The following ASXL2 variants were observed in gnomAD, a reference collection of about 807,000 sequenced individuals.
ASXL2 encodes ASXL transcriptional regulator 2.
In ASXL2, 23 loss-of-function variants were observed where a neutral mutation model predicts 122.0. The observed-to-expected ratio is 0.19, with a 90% CI of 0.14 to 0.27. ASXL2 has a LOEUF of 0.27. Among genes scored for constraint, ASXL2 ranks in the 10% least tolerant of loss-of-function variants. The pLI, the probability that ASXL2 is intolerant of heterozygous loss-of-function variation, is 1.00. For missense variants in ASXL2, 1,518 were observed against 1,713.8 expected, an observed-to-expected ratio of 0.89 and a Z score of 2.02; for synonymous variants, 650 against 637.0, an observed-to-expected ratio of 1.02 and a Z score of -0.31.
At chr2:25,810,780 T>C (rs2089157576) in intron 3 of ASXL2, 2 of 531,076 alleles carry the variant, frequency 3.8e-6, no homozygotes, top group African/African-American at 1.9e-5. Context: ...TTTGTTGAGA[T>C]TTAAGTCACA....
intron 1 of ASXL2, among the ~76,000 whole-genome samples, chr2:25,846,343 G>A (rs1326760940): frequency 2.6e-5 from 4 of 152,134 alleles, no homozygotes; most frequent in Admixed American, 2.6e-4. Flanking sequence ...AAGCATGGGA[G>A]GAATTCCCAT....
intron 1 of ASXL2, among the ~76,000 whole-genome samples, chr2:25,872,616 CAAAT>C (rs1298669426): frequency 1.3e-5 from 2 of 151,894 alleles, no homozygotes; most frequent in African/African-American, 4.8e-5. Flanking sequence ...GATAGTAATA[CAAAT>C]ATACAAAGTA....
chr2:25,838,629 C>T (rs1373792317), intron 2 of ASXL2, among the ~76,000 whole-genome samples: 4 of 152,098 alleles, frequency 2.6e-5, no homozygotes, highest in African/African-American at 9.7e-5. Flanking sequence ...GAAATATGGG[C>T]ACAAGTCGGG....
rs2088026933 is a variant in ASXL2 at position 25,750,497 on chromosome 2, A to T, written c.1143-84T>A. 3.2e-6 allele frequency: 4 copies of T among 1,236,042 alleles called. No individual in the cohort carries two copies. In the African/African-American group the frequency reaches 6.0e-5, roughly 19 times the overall value. 76.6% of individuals were successfully genotyped at this position (1,236,042 alleles called of 1,614,324 possible). A position where few individuals can be genotyped will look rare whatever the true frequency, so the allele number is the denominator to read the frequency against. On this transcript the variant is annotated intron_variant, in intron 11 of 12. Transcript: ENST00000435504. ...TCATTAATAGAGATAATGGAAGATG[A>T]CAATGCCTAGGAGAACCCCTGACAC...
At chr2:25,867,278 G>A (rs1369472450) in intron 1 of ASXL2, among the ~76,000 whole-genome samples, 2 of 151,998 alleles carry the variant, frequency 1.3e-5, no homozygotes, top group Non-Finnish European at 2.9e-5. Context: ...AGTATTCCAA[G>A]ACCTCTTTTA....
chr2:25,878,334 G>C lies in ASXL2; in HGVS notation c.-112C>G. ...GGTGCCGGGAAAGGTGGGAGAAAAG[G>C]GAAGTCAGACCGGGGGGGCACCCAA... On this transcript the variant is annotated 5_prime_UTR_variant, in exon 1 of 13. Coordinates refer to ENST00000435504, the MANE Select transcript of ASXL2 (RefSeq NM_018263.6). 8.2e-7 allele frequency: 1 copy of C among 1,224,928 alleles called. No individual in the cohort carries two copies. The highest frequency in any genetic ancestry group is 1.9e-5 in the Admixed American group (1 of 53,590). 75.9% of individuals were successfully genotyped at this position (1,224,928 alleles called of 1,614,324 possible). A position where few individuals can be genotyped will look rare whatever the true frequency, so the allele number is the denominator to read the frequency against.
intron 3 of ASXL2, among the ~76,000 whole-genome samples, chr2:25,813,400 C>T (rs1016521927): frequency 3.9e-5 from 6 of 152,310 alleles, no homozygotes; most frequent in African/African-American, 1.4e-4. Context: ...AGATTAGGGA[C>T]AGCATCCCAT....
intron 5 of ASXL2, among the ~76,000 whole-genome samples, chr2:25,778,827 T>G (rs1373769490): frequency 6.6e-6 from 1 of 152,164 alleles, no homozygotes; most frequent in South Asian, 2.1e-4. Context: ...CTGGATCAAC[T>G]ACTTCTCCAA....
At chr2:25,797,486 CAT>C (rs1420520792) in intron 5 of ASXL2, among the ~76,000 whole-genome samples, 1 of 152,086 alleles carries the variant, frequency 6.6e-6, no homozygotes, top group Non-Finnish European at 1.5e-5. Context: ...TTGCAAAAGA[CAT>C]ATGATAAAGG....
At chr2:25,752,103 A>G (rs2088056430) in intron 11 of ASXL2, among the ~76,000 whole-genome samples, 2 of 152,128 alleles carry the variant, frequency 1.3e-5, no homozygotes, top group African/African-American at 2.4e-5. Context: ...CTCAATAGGA[A>G]TATTTCCTAA....
At chr2:25,799,629 C>T (rs2088965235) in intron 4 of ASXL2, 94 bp from the exon 5 acceptor site, 2 of 1,428,910 alleles carry the variant, frequency 1.4e-6, no homozygotes, top group Non-Finnish European at 1.9e-6. Context: ...CTTAATTGCA[C>T]TAATTTTTGT....
chr2:25,754,671 T>C (rs2088102994), intron 10 of ASXL2, among the ~76,000 whole-genome samples: 1 of 141,240 alleles, frequency 7.1e-6, no homozygotes, highest in Admixed American at 7.0e-5. Context: ...AGTCACTTGC[T>C]TGCATGTTAA....
intron 1 of ASXL2, among the ~76,000 whole-genome samples, chr2:25,863,659 C>A (rs1183937276): frequency 1.3e-5 from 2 of 151,896 alleles, no homozygotes. Flanking sequence ...CGCCACTGCA[C>A]TCCAGCCTCG....
intron 1 of ASXL2, among the ~76,000 whole-genome samples, chr2:25,848,531 G>A (rs1034355535): frequency 6.6e-6 from 1 of 152,088 alleles, no homozygotes; most frequent in Non-Finnish European, 1.5e-5. Flanking sequence ...GCTGAGGCAG[G>A]GAAATGGCGT....
rs780551383 is a variant in ASXL2, at chr2:25,742,180, G to C, written c.4157C>G (p.Ala1386Gly). Residue 1386 changes from alanine (A) to glycine (G), a missense_variant, in exon 13 of 13, where the codon GCG becomes GGG. Ala to Gly is a moderately conservative substitution (Grantham distance 60). This residue lies in a region of ASXL2 where 831 missense variants were observed against 833.1 expected (regional missense o/e 1.00). Coordinates refer to ENST00000435504, the MANE Select transcript of ASXL2 (RefSeq NM_018263.6). ...CTCTATGCTGTTCTCTTCGGAGAACGCCTGAACAGGAATGGTCTGGCCATG... is the reference window on the plus strand; with the variant it reads ...CTCTATGCTGTTCTCTTCGGAGAACCCCTGAACAGGAATGGTCTGGCCATG... The part of the protein sequence containing the change: ...SSHGQTIPVQ[A>G]FSEENSIEGT... 3 of 1,614,028 alleles carry C rather than the reference G, an allele frequency of 1.9e-6. No individual in the cohort carries two copies. Among genetic ancestry groups the C allele is most frequent in the South Asian group, 2.2e-5 (2 of 91,088 alleles).
At chr2:25,865,581 C>T (rs1477633804) in intron 1 of ASXL2, among the ~76,000 whole-genome samples, 1 of 149,348 alleles carries the variant, frequency 6.7e-6, no homozygotes, top group African/African-American at 2.5e-5. Context: ...TCCTGGCTAA[C>T]ACGGTGAGAC....
chr2:25,861,590 A>C (rs2149200136), intron 1 of ASXL2, among the ~76,000 whole-genome samples: 1 of 152,356 alleles, frequency 6.6e-6, no homozygotes, highest in East Asian at 1.9e-4. Context: ...AAACAGAAGG[A>C]ATACAAAATG....
At chr2:25,787,854 G>A (rs187424720) in intron 5 of ASXL2, among the ~76,000 whole-genome samples, 75 of 152,234 alleles carry the variant, frequency 4.9e-4, no homozygotes, top group Middle Eastern at 3.4e-3. Flanking sequence ...AGGGGAGAGG[G>A]GACATGTGGA....
At chr2:25,778,194 T>C (rs2088578104) in intron 5 of ASXL2, among the ~76,000 whole-genome samples, 1 of 152,224 alleles carries the variant, frequency 6.6e-6, no homozygotes, top group African/African-American at 2.4e-5. Flanking sequence ...AGAGCCTTGG[T>C]AGGTGTAACT....
Sources: allele counts gnomAD v4.1 joint callset (sites outside exome capture counted in the v4.1 genomes callset), GRCh38; gene constraint gnomAD v4.1.1; regional missense constraint gnomAD v4.1.1; transcripts MANE v1.5; gene names NCBI Gene and HGNC (gene_info 2026-07-23, HGNC 2026-07-21).